FAM163A: variants seen among roughly 807,000 people sequenced by gnomAD.
FAM163A encodes the protein family with sequence similarity 163 member A, also known as protein FAM163A.
FAM163A carries 7 observed loss-of-function variants against 12.0 expected under a neutral mutation model. The ratio of observed to expected loss-of-function variants is 0.58; its 90% CI spans 0.33 to 1.10. The LOEUF is 1.10. Among genes scored for constraint, FAM163A ranks in the 50% least tolerant of loss-of-function variants. FAM163A has a pLI of 0.03. For synonymous variants in FAM163A, 101 were observed against 91.0 expected (o/e 1.11, Z -0.62); for missense variants, 202 against 218.6 (o/e 0.92, Z 0.48).
chr1:179,784,011 C>T (rs927081570), intron 1 of FAM163A, among the ~76,000 whole-genome samples: 5 of 151,822 alleles, frequency 3.3e-5, no homozygotes, highest in African/African-American at 9.7e-5. Flanking sequence ...ATAGAAGTCC[C>T]AAGGGAGAGA....
At chr1:179,758,239 T>C (rs924225533) in intron 1 of FAM163A, among the ~76,000 whole-genome samples, 2 of 152,184 alleles carry the variant, frequency 1.3e-5, no homozygotes. Flanking sequence ...TGGGAGAATC[T>C]CTAAGCACAA....
chr1:179,742,146 C>T (rs1387121181), upstream of FAM163A: 1 of 152,090 alleles, frequency 6.6e-6, no homozygotes, highest in Non-Finnish European at 1.5e-5. Flanking sequence ...AGTAGACTTG[C>T]TGGAATGATG....
chr1:179,746,684 T>A (rs1418229825), intron 1 of FAM163A, among the ~76,000 whole-genome samples: 1 of 152,214 alleles, frequency 6.6e-6, no homozygotes, highest in Non-Finnish European at 1.5e-5. Context: ...TTAACTATTT[T>A]AAAATTCTCT....
At chr1:179,807,334 C>T (rs1299676852) in intron 1 of FAM163A, among the ~76,000 whole-genome samples, 3 of 152,012 alleles carry the variant, frequency 2.0e-5, no homozygotes, top group Admixed American at 1.3e-4. Context: ...GTGTGCAGCC[C>T]GGGCACTGGG....
At chr1:179,770,147 T>G (rs1012344826) in intron 1 of FAM163A, among the ~76,000 whole-genome samples, 1 of 152,030 alleles carries the variant, frequency 6.6e-6, no homozygotes, top group African/African-American at 2.4e-5. Flanking sequence ...CCTCGTGATC[T>G]GCCTGCCTTG....
chr1:179,792,283 T>TTGTGTG (rs3075152), intron 1 of FAM163A, among the ~76,000 whole-genome samples: 4,798 of 133,604 alleles, frequency 0.036, 125 homozygotes, highest in Admixed American at 0.095. Context: ...CCATATCTGA[T>TTGTGTG]TGTGTGTGTG....
At chr1:179,771,863 C>A (rs1000934581) in intron 1 of FAM163A, among the ~76,000 whole-genome samples, 7 of 152,136 alleles carry the variant, frequency 4.6e-5, no homozygotes, top group African/African-American at 1.7e-4. Context: ...AGATGCTCTC[C>A]TCAGGCTCCC....
intron 1 of FAM163A, among the ~76,000 whole-genome samples, chr1:179,744,199 G>C (rs1291281113): frequency 1.3e-5 from 2 of 152,188 alleles, no homozygotes; most frequent in Non-Finnish European, 2.9e-5. Flanking sequence ...GAAGCCGGAC[G>C]TGCCCGTGGG....
intron 2 of FAM163A, among the ~76,000 whole-genome samples, chr1:179,808,341 C>T (rs764544379): frequency 1.3e-5 from 2 of 152,266 alleles, no homozygotes; most frequent in African/African-American, 2.4e-5. Context: ...TAAAACAACA[C>T]ACAGTGATTA....
chr1:179,782,631 C>T (rs1557938649), intron 1 of FAM163A, among the ~76,000 whole-genome samples: 1 of 152,322 alleles, frequency 6.6e-6, no homozygotes, highest in East Asian at 1.9e-4. Flanking sequence ...GCTGCCATCT[C>T]CTTCCCTTTC....
At chr1:179,747,479 C>G (rs1336290394) in intron 1 of FAM163A, among the ~76,000 whole-genome samples, 2 of 152,208 alleles carry the variant, frequency 1.3e-5, no homozygotes, top group Admixed American at 1.3e-4. Context: ...GAAGGACTTG[C>G]TTCCAGCCAC....
intron 1 of FAM163A, among the ~76,000 whole-genome samples, chr1:179,769,432 G>A (rs1341832939): frequency 6.6e-6 from 1 of 151,952 alleles, no homozygotes; most frequent in Non-Finnish European, 1.5e-5. Flanking sequence ...GGATTACAGA[G>A]GTCTTCCAAA....
intron 1 of FAM163A, among the ~76,000 whole-genome samples, chr1:179,782,874 C>T (rs1571457622): frequency 1.3e-5 from 2 of 152,288 alleles, no homozygotes; most frequent in South Asian, 4.1e-4. Flanking sequence ...TTCTTCAAAC[C>T]GTGGTCACAG....
At chr1:179,811,362 G>C (rs1417091335) in intron 2 of FAM163A, among the ~76,000 whole-genome samples, 3 of 152,192 alleles carry the variant, frequency 2.0e-5, no homozygotes, top group Non-Finnish European at 4.4e-5. Flanking sequence ...AGTCTTCACT[G>C]GTGTGGGGGA....
intron 1 of FAM163A, among the ~76,000 whole-genome samples, chr1:179,759,492 CAAG>C (rs1286278295): frequency 6.6e-6 from 1 of 151,986 alleles, no homozygotes; most frequent in African/African-American, 2.4e-5. Context: ...GCCTAAGGGA[CAAG>C]AAGGAGCCAG....
At chr1:179,743,989 C>T (rs1289340073) in intron 1 of FAM163A, among the ~76,000 whole-genome samples, 3 of 152,206 alleles carry the variant, frequency 2.0e-5, no homozygotes, top group Non-Finnish European at 2.9e-5. Context: ...CGCCGTCGGT[C>T]AGTGAGTCCG....
the FAM163A span, among the ~76,000 whole-genome samples, chr1:179,734,531 G>A: frequency 2.0e-5 from 3 of 152,156 alleles, no homozygotes; most frequent in Non-Finnish European, 4.4e-5. Context: ...GGTAGCAGCA[G>A]GCTCCGTTTC....
rs537142700 is a variant in FAM163A, at chr1:179,768,630, G to A, written c.-136+25207G>A. Among the ~76,000 whole-genome samples the A allele has an allele frequency of 1.3e-3, 193 of 150,724 alleles. 1 individual carries two copies. The Middle Eastern group carries it at 0.024, about 19-fold the overall frequency. ...ACTGGATTTTTTTTTTTTTTGAGGCGGAGTCTCACTCTGTCGCCAGGCTGA... is the reference window on the plus strand; with the variant it reads ...ACTGGATTTTTTTTTTTTTTGAGGCAGAGTCTCACTCTGTCGCCAGGCTGA... On this transcript the variant is annotated intron_variant, in intron 1 of 4. Coordinates refer to ENST00000341785, the MANE Select transcript of FAM163A (RefSeq NM_173509.3).
At chr1:179,751,067 G>T (rs1685208789) in intron 1 of FAM163A, among the ~76,000 whole-genome samples, 1 of 152,164 alleles carries the variant, frequency 6.6e-6, no homozygotes, top group Non-Finnish European at 1.5e-5. Flanking sequence ...AACATTGTGA[G>T]TGAGTCTCAG....
Sources: allele counts gnomAD v4.1 joint callset (sites outside exome capture counted in the v4.1 genomes callset), GRCh38; gene constraint gnomAD v4.1.1; transcripts MANE v1.5; gene names NCBI Gene and HGNC (gene_info 2026-07-23, HGNC 2026-07-21).